GFRA1: variants seen among roughly 807,000 people sequenced by gnomAD.
GFRA1 encodes the protein GDNF family receptor alpha 1, also known as GDNF family receptor alpha-1.
Under a neutral mutation model 51.6 loss-of-function variants are expected in GFRA1, and 16 were observed. That is an observed-to-expected ratio of 0.31 (90% confidence interval 0.21 to 0.47). The LOEUF is 0.47. Among genes scored for constraint, GFRA1 ranks in the 20% least tolerant of loss-of-function variants. GFRA1 has a pLI of 1.00. For missense variants in GFRA1, 530 were observed against 594.3 expected, an observed-to-expected ratio of 0.89 and a Z score of 1.13; for synonymous variants, 270 against 241.3, an observed-to-expected ratio of 1.12 and a Z score of -1.10.
intron 6 of GFRA1, among the ~76,000 whole-genome samples, chr10:116,123,314 C>G (rs955185514): frequency 2.0e-5 from 3 of 152,152 alleles, no homozygotes; most frequent in Non-Finnish European, 2.9e-5. Flanking sequence ...TGCTGGAACA[C>G]CTGTTTCTTC....
intron 9 of GFRA1, among the ~76,000 whole-genome samples, chr10:116,083,092 G>A (rs1955925422): frequency 6.6e-6 from 1 of 152,212 alleles, no homozygotes; most frequent in Non-Finnish European, 1.5e-5. Flanking sequence ...GGAGCCACAG[G>A]AGGCGAGCCA....
chr10:116,064,378 A>G lies in GFRA1; in HGVS notation c.*20T>C. On this transcript the variant is annotated 3_prime_UTR_variant, in exon 11 of 11. Coordinates refer to ENST00000355422, the MANE Select transcript of GFRA1 (RefSeq NM_005264.8). ...GGTTTTTGTCTTTTTACATGTCCAT[A>G]TTGTATTTTTTTAATGCAGCTATGA... 6.2e-7 allele frequency: 1 copy of G among 1,606,768 alleles called. No individual in the cohort carries two copies. Among genetic ancestry groups the G allele is most frequent in the South Asian group, 1.1e-5 (1 of 90,774 alleles).
chr10:116,155,653 A>C (rs1271738468), intron 5 of GFRA1, among the ~76,000 whole-genome samples: 1 of 152,224 alleles, frequency 6.6e-6, no homozygotes, highest in African/African-American at 2.4e-5. Context: ...TAACAAAGGC[A>C]AAGCTTGGAA....
intron 5 of GFRA1, among the ~76,000 whole-genome samples, chr10:116,142,507 G>A (rs528604426): frequency 3.9e-5 from 6 of 152,296 alleles, no homozygotes; most frequent in East Asian, 1.9e-4. Context: ...AAATTTCAGC[G>A]TTTCGGTTAG....
At chr10:116,205,596 G>GATATATATATATATAAATAT (rs1964680643) in intron 5 of GFRA1, among the ~76,000 whole-genome samples, 2 of 140,610 alleles carry the variant, frequency 1.4e-5, no homozygotes, top group African/African-American at 5.2e-5. Context: ...AAAAAAAAAA[G>GATATATATATATATAAATAT]ATATATATAT....
chr10:116,062,294 C>G lies in GFRA1; in HGVS notation c.*2104G>C. ...AAATACACTCTGTAAGAGATATGCGCTCATAGATAACTGGCATTCCAAATA... is the reference window on the plus strand; with the variant it reads ...AAATACACTCTGTAAGAGATATGCGGTCATAGATAACTGGCATTCCAAATA... On this transcript the variant is annotated 3_prime_UTR_variant, in exon 11 of 11. Coordinates refer to ENST00000355422, the MANE Select transcript of GFRA1 (RefSeq NM_005264.8). 5.1e-6 allele frequency: 2 copies of G among 395,854 alleles called. No individual in the cohort carries two copies. Among genetic ancestry groups the G allele is most frequent in the Non-Finnish European group, 8.9e-6 (2 of 224,826 alleles). 24.5% of individuals were successfully genotyped at this position (395,854 alleles called of 1,614,324 possible). A position where few individuals can be genotyped will look rare whatever the true frequency, so the allele number is the denominator to read the frequency against.
intron 9 of GFRA1, 69 bp downstream of exon 9, chr10:116,089,672 G>C (rs1956244857): frequency 1.6e-6 from 2 of 1,278,018 alleles, no homozygotes; most frequent in Admixed American, 3.4e-5. Flanking sequence ...TTCAGAAAAT[G>C]GGTCTGCCCG....
intron 5 of GFRA1, among the ~76,000 whole-genome samples, chr10:116,172,610 G>A (rs866924453): frequency 6.6e-6 from 1 of 152,292 alleles, no homozygotes; most frequent in African/African-American, 2.4e-5. Flanking sequence ...TAGGCTGAAC[G>A]GGATGAATGC....
intron 5 of GFRA1, among the ~76,000 whole-genome samples, chr10:116,149,103 T>G (rs1393274729): frequency 2.6e-5 from 4 of 152,166 alleles, no homozygotes; most frequent in Non-Finnish European, 5.9e-5. Flanking sequence ...TAGACACATC[T>G]TTAAAATATG....
intron 4 of GFRA1, among the ~76,000 whole-genome samples, chr10:116,224,355 A>G (rs1168579901): frequency 6.6e-6 from 1 of 152,224 alleles, no homozygotes; most frequent in Non-Finnish European, 1.5e-5. Context: ...TATACCCGAG[A>G]GAAATGAAAA....
At chr10:116,067,227 A>G (rs74158558) in intron 9 of GFRA1, among the ~76,000 whole-genome samples, 2,589 of 152,320 alleles carry the variant, frequency 0.017, 71 homozygotes, top group African/African-American at 0.057. Flanking sequence ...TGTCACCTAC[A>G]GAGAGTAATG....
chr10:116,091,538 C>T (rs1956334134), intron 8 of GFRA1, among the ~76,000 whole-genome samples: 1 of 152,178 alleles, frequency 6.6e-6, no homozygotes, highest in Non-Finnish European at 1.5e-5. Flanking sequence ...GATATCTAAC[C>T]TCACCTCCAT....
chr10:116,169,591 G>A (rs748678057), intron 5 of GFRA1, among the ~76,000 whole-genome samples: 5 of 152,240 alleles, frequency 3.3e-5, no homozygotes, highest in Non-Finnish European at 7.3e-5. Flanking sequence ...GCAGCTGGAT[G>A]TCAGAGACTA....
chr10:116,131,325 A>G (rs1589812867), intron 5 of GFRA1, among the ~76,000 whole-genome samples: 1 of 152,234 alleles, frequency 6.6e-6, no homozygotes, highest in East Asian at 1.9e-4. Flanking sequence ...AAAATGGTTC[A>G]ACCACTGTGG....
intron 2 of GFRA1, among the ~76,000 whole-genome samples, 162 bp downstream of exon 2, chr10:116,271,828 T>C (rs1444993072): frequency 6.6e-6 from 1 of 152,098 alleles, no homozygotes; most frequent in East Asian, 1.9e-4. Flanking sequence ...ACCGCCTCCC[T>C]AACCCGGGGA....
intron 8 of GFRA1, 97 bp from the exon 9 acceptor site, chr10:116,090,019 T>G (rs944765252): frequency 3.5e-6 from 4 of 1,143,576 alleles, no homozygotes; most frequent in Non-Finnish European, 3.8e-6. Context: ...AAATTCTGAT[T>G]ATAGCATTGG....
chr10:116,141,750 GT>G (rs1958579129), intron 5 of GFRA1, among the ~76,000 whole-genome samples: 1 of 152,018 alleles, frequency 6.6e-6, no homozygotes, highest in Non-Finnish European at 1.5e-5. Flanking sequence ...TGCCTGGCTA[GT>G]TTTTGTATTT....
chr10:116,148,886 G>A lies in GFRA1; in HGVS notation c.434-23329C>T, dbSNP rs1373853902. 3.9e-5 allele frequency among the ~76,000 whole-genome samples: 6 copies of A among 152,206 alleles called. No homozygotes were observed. In the East Asian group the frequency reaches 1.2e-3, roughly 29 times the overall value. On this transcript the variant is annotated intron_variant, in intron 5 of 10. Transcript: ENST00000355422. ...AGAAAAATGCAGCTGTATTCTAATGGGATCAATTTTTAACTTGATTCAAAT... is the reference window on the plus strand; with the variant it reads ...AGAAAAATGCAGCTGTATTCTAATGAGATCAATTTTTAACTTGATTCAAAT...
chr10:116,236,177 C>G (rs1395111913), intron 4 of GFRA1, among the ~76,000 whole-genome samples: 1 of 152,096 alleles, frequency 6.6e-6, no homozygotes, highest in Non-Finnish European at 1.5e-5. Flanking sequence ...ACCCCTAGTG[C>G]CCTCTGAGGA....
Sources: allele counts gnomAD v4.1 joint callset (sites outside exome capture counted in the v4.1 genomes callset), GRCh38; gene constraint gnomAD v4.1.1; transcripts MANE v1.5; gene names NCBI Gene and HGNC (gene_info 2026-07-23, HGNC 2026-07-21).